The following CTNNA2 variants were observed in gnomAD, a reference collection of about 807,000 sequenced individuals.
The protein encoded by CTNNA2 is catenin alpha-2.
Under a neutral mutation model 101.0 loss-of-function variants are expected in CTNNA2, and 42 were observed. The observed-to-expected ratio is 0.42, with a 90% CI of 0.32 to 0.54. The LOEUF (loss-of-function observed/expected upper bound fraction) is 0.54. CTNNA2 is among the 20% of genes least tolerant of loss of function. The pLI is 0.14. For missense variants in CTNNA2, 871 were observed against 1,223.1 expected, an observed-to-expected ratio of 0.71 and a Z score of 4.29; for synonymous variants, 450 against 456.4, an observed-to-expected ratio of 0.99 and a Z score of 0.18.
At chr2:79,540,994 T>C (rs1344692764) in intron 1 of CTNNA2, among the ~76,000 whole-genome samples, 1 of 152,134 alleles carries the variant, frequency 6.6e-6, no homozygotes, top group Non-Finnish European at 1.5e-5. Context: ...GTTGATCAAA[T>C]TGTTTTGATT....
At chr2:80,146,543 A>T (rs544627837) in intron 7 of CTNNA2, among the ~76,000 whole-genome samples, 1 of 152,020 alleles carries the variant, frequency 6.6e-6, no homozygotes, top group East Asian at 1.9e-4. Context: ...TTGGGGAAGA[A>T]ATAGACCATT....
chr2:79,306,818 C>T (rs1676259124), intron 2 of CTNNA2, among the ~76,000 whole-genome samples: 1 of 152,176 alleles, frequency 6.6e-6, no homozygotes. Context: ...AGGCAAATGG[C>T]TATAAGATGA....
rs1455679226 is a variant in CTNNA2 at position 80,589,110 on chromosome 2, AC to A, written c.2008-193del. ...TGTATTTTTCATATATGGGAGTGGG[AC>A]GGGGACTTTGGGGAGCTTATCAGCC... On this transcript the variant is annotated intron_variant, in intron 14 of 18. Transcript: ENST00000402739. Among the ~76,000 whole-genome samples, 4 of 152,106 alleles carry A rather than the reference AC, an allele frequency of 2.6e-5. No homozygotes were observed. The East Asian group carries it at 7.8e-4, about 30-fold the overall frequency.
At chr2:79,937,208 G>T (rs17018164) in intron 7 of CTNNA2, among the ~76,000 whole-genome samples, 1 of 122,290 alleles carries the variant, frequency 8.2e-6, no homozygotes, top group Non-Finnish European at 1.7e-5. Context: ...ATCAATTTTT[G>T]TTTCAAATGT....
At chr2:79,533,634 T>A (rs188366352) in intron 1 of CTNNA2, among the ~76,000 whole-genome samples, 4 of 152,246 alleles carry the variant, frequency 2.6e-5, no homozygotes, top group African/African-American at 7.2e-5. Context: ...ATCTTAATAA[T>A]GGCACATGTT....
intron 7 of CTNNA2, among the ~76,000 whole-genome samples, chr2:79,970,671 G>A (rs900922594): frequency 2.0e-5 from 3 of 152,056 alleles, no homozygotes; most frequent in Non-Finnish European, 2.9e-5. Flanking sequence ...TTATTCTGTC[G>A]GGTATTAGAT....
chr2:80,045,516 G>C (rs1431534398), intron 7 of CTNNA2, among the ~76,000 whole-genome samples: 3 of 152,112 alleles, frequency 2.0e-5, no homozygotes, highest in African/African-American at 7.2e-5. Flanking sequence ...CAAGAATTTT[G>C]TCACACTAAA....
intron 1 of CTNNA2, among the ~76,000 whole-genome samples, chr2:79,576,539 C>T (rs956488238): frequency 2.0e-5 from 3 of 152,052 alleles, no homozygotes; most frequent in Non-Finnish European, 4.4e-5. Context: ...AGAGTCTCAT[C>T]GATTTGTTAG....
chr2:79,909,826 C>A lies in CTNNA2; in HGVS notation c.1056+29C>A, dbSNP rs1685665819. 2.5e-6 allele frequency: 4 copies of A among 1,568,932 alleles called. No homozygotes were observed. The East Asian group carries it at 9.1e-5, about 36-fold the overall frequency. On this transcript the variant is annotated intron_variant, in intron 7 of 18. Transcript: ENST00000402739. The stretch of plus-strand genomic sequence containing the variant: ...AGTCTTGGGATCTCCATTCTCATGT[C>A]TTGGTGGATTCTGTTCTGCAATCGT...
intron 7 of CTNNA2, among the ~76,000 whole-genome samples, chr2:80,139,361 T>C (rs1702869451): frequency 6.6e-6 from 1 of 152,186 alleles, no homozygotes; most frequent in South Asian, 2.1e-4. Flanking sequence ...TATCTGCTCT[T>C]GGAGAGTTTC....
At chr2:79,641,646 C>G (rs1032167990) in intron 1 of CTNNA2, among the ~76,000 whole-genome samples, 1 of 152,132 alleles carries the variant, frequency 6.6e-6, no homozygotes, top group African/African-American at 2.4e-5. Context: ...AGAGTAAGCA[C>G]TACTTACCTG....
chr2:80,375,558 GCTT>G (rs1675862789), intron 7 of CTNNA2, among the ~76,000 whole-genome samples: 1 of 124,082 alleles, frequency 8.1e-6, no homozygotes, highest in Admixed American at 8.0e-5. Flanking sequence ...CTGGTTTCTG[GCTT>G]CTTTTTTTTT....
chr2:79,991,265 C>T (rs995278899), intron 7 of CTNNA2, among the ~76,000 whole-genome samples: 3 of 152,116 alleles, frequency 2.0e-5, no homozygotes, highest in African/African-American at 7.2e-5. Flanking sequence ...TACTTAGAGT[C>T]TCCTCATTCC....
intron 1 of CTNNA2, chr2:79,634,690 C>T (rs550295889): frequency 6.6e-6 from 1 of 152,336 alleles, no homozygotes; most frequent in Non-Finnish European, 1.5e-5. Flanking sequence ...AGTCTCAAAA[C>T]ATAACCAAAG....
intron 3 of CTNNA2, among the ~76,000 whole-genome samples, chr2:79,757,189 C>T (rs1672457916): frequency 6.6e-6 from 1 of 152,136 alleles, no homozygotes; most frequent in African/African-American, 2.4e-5. Flanking sequence ...CAGAAAATTA[C>T]ATATACTCTA....
At chr2:80,017,366 GTA>G (rs776155120) in intron 7 of CTNNA2, among the ~76,000 whole-genome samples, 1 of 151,668 alleles carries the variant, frequency 6.6e-6, no homozygotes, top group Non-Finnish European at 1.5e-5. Flanking sequence ...AGTTCTTCCT[GTA>G]TATATATATC....
chr2:80,513,519 T>C (rs73941158), intron 9 of CTNNA2, among the ~76,000 whole-genome samples: 10,048 of 152,254 alleles, frequency 0.066, 872 homozygotes, highest in African/African-American at 0.2. Flanking sequence ...GTGGCCACTA[T>C]ATAGCTTTGT....
At chr2:79,660,323 GTATGTGTATGTATACTATACA>G (rs1383059497) in intron 2 of CTNNA2, among the ~76,000 whole-genome samples, 37 of 149,936 alleles carry the variant, frequency 2.5e-4, no homozygotes, top group South Asian at 1.0e-3. Context: ...ATATACATAT[GTATGTGTATGTATACTATACA>G]TATGTGTATG....
intron 7 of CTNNA2, among the ~76,000 whole-genome samples, chr2:80,392,066 G>C (rs1474687888): frequency 6.6e-6 from 1 of 152,174 alleles, no homozygotes; most frequent in Non-Finnish European, 1.5e-5. Context: ...CCCAGCTATG[G>C]AGAGCGGGTA....
Sources: allele counts gnomAD v4.1 joint callset (sites outside exome capture counted in the v4.1 genomes callset), GRCh38; gene constraint gnomAD v4.1.1; transcripts MANE v1.5; gene names NCBI Gene and HGNC (gene_info 2026-07-23, HGNC 2026-07-21).